The following KMT2C variants were observed in gnomAD, a reference collection of about 807,000 sequenced individuals.
The protein encoded by KMT2C is lysine methyltransferase 2C.
KMT2C carries 88 observed loss-of-function variants against 507.9 expected under a neutral mutation model. The observed-to-expected ratio is 0.17, with a 90% CI of 0.15 to 0.21. The LOEUF is 0.21. Among genes scored for constraint, KMT2C ranks in the 10% least tolerant of loss-of-function variants. The probability of loss-of-function intolerance (pLI) is 1.00; values close to 1 mark genes in which losing one functional copy is unlikely to be tolerated. For synonymous variants in KMT2C, 2,049 were observed against 2,080.8 expected (o/e 0.98, Z 0.42); for missense variants, 4,954 against 5,957.8 (o/e 0.83, Z 5.55).
chr7:152,270,664 G>C (rs2095947191), intron 7 of KMT2C, among the ~76,000 whole-genome samples: 1 of 152,100 alleles, frequency 6.6e-6, no homozygotes, highest in South Asian at 2.1e-4. Flanking sequence ...CTCTTATCTT[G>C]CATGATTGGC....
chr7:152,255,251 C>T (rs1229365873), intron 9 of KMT2C, among the ~76,000 whole-genome samples: 1 of 150,314 alleles, frequency 6.7e-6, no homozygotes, highest in African/African-American at 2.5e-5. Flanking sequence ...ACTGCAGCCT[C>T]GAACTCCTGG....
At chr7:152,219,767 TG>T (rs2094706951) in intron 23 of KMT2C, among the ~76,000 whole-genome samples, 1 of 152,150 alleles carries the variant, frequency 6.6e-6, no homozygotes. Flanking sequence ...CTCAGCAGGC[TG>T]AGCAGAGCAG....
At chr7:152,214,494 A>G (rs775140566) in intron 23 of KMT2C, among the ~76,000 whole-genome samples, 8 of 152,196 alleles carry the variant, frequency 5.3e-5, no homozygotes, top group Non-Finnish European at 1.0e-4. Context: ...TGTTTCCTTC[A>G]ATCTAATTTT....
At chr7:152,348,899 T>C (rs775436446) in intron 2 of KMT2C, among the ~76,000 whole-genome samples, 11 of 152,186 alleles carry the variant, frequency 7.2e-5, no homozygotes, top group Admixed American at 1.3e-4. Flanking sequence ...GACAGCTTGG[T>C]GGTTCCTTAC....
At chr7:152,351,281 G>C (rs1036702964) in intron 2 of KMT2C, among the ~76,000 whole-genome samples, 2 of 152,178 alleles carry the variant, frequency 1.3e-5, no homozygotes, top group Non-Finnish European at 2.9e-5. Context: ...AAGAGTGTAT[G>C]TAGTGTACTT....
At chr7:152,255,851 G>T (rs557344317) in intron 9 of KMT2C, among the ~76,000 whole-genome samples, 2 of 152,186 alleles carry the variant, frequency 1.3e-5, no homozygotes, top group African/African-American at 2.4e-5. Flanking sequence ...ACTCCAAATA[G>T]ATCAGAGATT....
intron 1 of KMT2C, among the ~76,000 whole-genome samples, chr7:152,387,692 C>G (rs1045699680): frequency 6.6e-5 from 10 of 152,246 alleles, no homozygotes; most frequent in Middle Eastern, 3.4e-3. Flanking sequence ...AGGATGGTCT[C>G]GATCTCCTGA....
At chr7:152,302,628 C>T (rs1158661589) in intron 6 of KMT2C, among the ~76,000 whole-genome samples, 1 of 152,036 alleles carries the variant, frequency 6.6e-6, no homozygotes, top group Admixed American at 6.6e-5. Context: ...AGCTTCCTTT[C>T]CCTTTCCTTC....
At chr7:152,428,088 A>G (rs1288772026) in intron 1 of KMT2C, among the ~76,000 whole-genome samples, 2 of 152,206 alleles carry the variant, frequency 1.3e-5, no homozygotes, top group African/African-American at 4.8e-5. Flanking sequence ...ATTCAAATGC[A>G]TAAATGCTAA....
intron 42 of KMT2C, among the ~76,000 whole-genome samples, chr7:152,166,292 T>C (rs931316837): frequency 6.6e-6 from 1 of 151,974 alleles, no homozygotes; most frequent in Non-Finnish European, 1.5e-5. Flanking sequence ...TAGCTAATTT[T>C]TGTATTTTTA....
intron 6 of KMT2C, among the ~76,000 whole-genome samples, chr7:152,301,923 C>G (rs1391408215): frequency 6.6e-6 from 1 of 152,194 alleles, no homozygotes; most frequent in East Asian, 1.9e-4. Context: ...TTACTATACA[C>G]TGTTTTTCAA....
rs1675650519 is a variant in KMT2C at position 152,154,325 on chromosome 7, C to T, written c.12081G>A (p.Glu4027=). 6.2e-7 allele frequency: 1 copy of T among 1,614,056 alleles called. No individual in the cohort carries two copies. The highest frequency in any genetic ancestry group is 8.5e-7 in the Non-Finnish European group (1 of 1,180,034). Residue 4027 remains glutamate (E), a synonymous_variant, in exon 47 of 59, where the codon GAG becomes GAA. Coordinates refer to ENST00000262189, the MANE Select transcript of KMT2C (RefSeq NM_170606.3). Reference sequence around the variant, plus strand: ...TGGGGGACGGCACCGGTTCTGGAGGCTCCTCCTTGACCAATGACAGATCTG... The same window carrying T: ...TGGGGGACGGCACCGGTTCTGGAGGTTCCTCCTTGACCAATGACAGATCTG... ...RYPDLSLVKE[E]PPEPVPSPII...
chr7:152,166,171 G>A (rs946331500), intron 42 of KMT2C, among the ~76,000 whole-genome samples: 2 of 146,580 alleles, frequency 1.4e-5, no homozygotes, highest in African/African-American at 5.2e-5. Context: ...TCGCCAGGCT[G>A]GAGTACAGTG....
At chr7:152,297,051 AAGAC>A (rs1278668405) in intron 6 of KMT2C, among the ~76,000 whole-genome samples, 58 of 60,272 alleles carry the variant, frequency 9.6e-4, no homozygotes, top group Middle Eastern at 8.8e-3. Flanking sequence ...GAAAGAAAGA[AAGAC>A]AGAGAGAGAG....
chr7:152,387,285 T>C (rs1420960176), intron 1 of KMT2C, among the ~76,000 whole-genome samples: 1 of 151,944 alleles, frequency 6.6e-6, no homozygotes. Flanking sequence ...AGTTACATGA[T>C]GTGATTTCAG....
chr7:152,147,707 C>CAAAAAAAAAAAAAAAAAAA (rs762588729), intron 52 of KMT2C, among the ~76,000 whole-genome samples: 39 of 46,502 alleles, frequency 8.4e-4, no homozygotes, highest in East Asian at 1.6e-3. Flanking sequence ...AACTCCGTCT[C>CAAAAAAAAAAAAAAAAAAA]AAAAAAAAAA....
At chr7:152,342,014 GAAGTA>G (rs1395279294) in intron 2 of KMT2C, among the ~76,000 whole-genome samples, 1 of 152,154 alleles carries the variant, frequency 6.6e-6, no homozygotes, top group Non-Finnish European at 1.5e-5. Flanking sequence ...AAAAGGCGCT[GAAGTA>G]AAGTAACACG....
chr7:152,195,846 C>A, intron 28 of KMT2C, 61 bp downstream of exon 28: 1 of 887,420 alleles, frequency 1.1e-6, no homozygotes. Context: ...TTGTTCCACA[C>A]ATCATACACC....
At chr7:152,252,998 G>A (rs938239712) in intron 9 of KMT2C, among the ~76,000 whole-genome samples, 4 of 151,990 alleles carry the variant, frequency 2.6e-5, no homozygotes, top group African/African-American at 9.7e-5. Context: ...GGGACTACAG[G>A]TGTGTGCCAC....
Sources: gnomAD v4.1 joint callset for allele counts (sites outside exome capture counted in the v4.1 genomes callset) on GRCh38, gnomAD v4.1.1 for gene constraint, MANE v1.5 for transcripts, NCBI Gene and HGNC (gene_info 2026-07-23, HGNC 2026-07-21) for gene names.